Variants in PDE1A observed in about 807,000 individuals in gnomAD.
PDE1A encodes phosphodiesterase 1A.
Under a neutral mutation model 61.7 loss-of-function variants are expected in PDE1A, and 35 were observed. That is an observed-to-expected ratio of 0.57 (90% CI 0.43 to 0.75). PDE1A has a LOEUF of 0.75. Ranked by LOEUF, PDE1A falls within the 30% of genes least tolerant of loss-of-function variation. The probability of loss-of-function intolerance (pLI) is 0.00; values close to 1 mark genes in which losing one functional copy is unlikely to be tolerated. For synonymous variants in PDE1A, 232 were observed against 213.2 expected (o/e 1.09, Z -0.77); for missense variants, 597 against 630.6 (o/e 0.95, Z 0.57).
chr2:182,497,473 A>G (rs1471945919), intron 2 of PDE1A, among the ~76,000 whole-genome samples: 7 of 152,214 alleles, frequency 4.6e-5, no homozygotes, highest in African/African-American at 1.7e-4. Flanking sequence ...CCTGGTAACT[A>G]TTGTTCCCAT....
chr2:182,429,639 A>C (rs1314811161), upstream of PDE1A, among the ~76,000 whole-genome samples: 1 of 152,178 alleles, frequency 6.6e-6, no homozygotes, highest in African/African-American at 2.4e-5. Flanking sequence ...GCTGAAACAC[A>C]CCAAGAATTC....
At chr2:182,549,967 G>A in the PDE1A span, among the ~76,000 whole-genome samples, 3 of 152,078 alleles carry the variant, frequency 2.0e-5, no homozygotes, top group East Asian at 5.8e-4. Flanking sequence ...TTTTCCCTAC[G>A]ACATTTTTAT....
At chr2:182,334,484 T>C (rs978675247) in intron 1 of PDE1A, among the ~76,000 whole-genome samples, 3 of 152,142 alleles carry the variant, frequency 2.0e-5, no homozygotes, top group Non-Finnish European at 4.4e-5. Context: ...TGCAAATCAA[T>C]AAACGTAATC....
At chr2:182,154,599 G>A (rs1276012754) in intron 13 of PDE1A, among the ~76,000 whole-genome samples, 3 of 152,060 alleles carry the variant, frequency 2.0e-5, no homozygotes, top group African/African-American at 7.2e-5. Flanking sequence ...TAATAAATGG[G>A]AGGTCTCCTG....
the PDE1A span, among the ~76,000 whole-genome samples, chr2:182,547,017 G>A: frequency 0.085 from 12,865 of 152,110 alleles, 1,795 homozygotes; most frequent in African/African-American, 0.29. Flanking sequence ...AGAGGCACTC[G>A]CAGCTAACTG....
intron 2 of PDE1A, among the ~76,000 whole-genome samples, chr2:182,471,046 T>C (rs1686996490): frequency 1.3e-5 from 2 of 151,762 alleles, no homozygotes; most frequent in African/African-American, 4.8e-5. Context: ...AGTAGGCAAA[T>C]GACAATCTTC....
At chr2:182,504,663 C>A (rs1287317775) in intron 2 of PDE1A, among the ~76,000 whole-genome samples, 4 of 152,144 alleles carry the variant, frequency 2.6e-5, no homozygotes, top group Non-Finnish European at 4.4e-5. Flanking sequence ...ATATGATCTC[C>A]TTTTGGATAG....
At chr2:182,580,484 C>G in the PDE1A span, among the ~76,000 whole-genome samples, 1 of 152,140 alleles carries the variant, frequency 6.6e-6, no homozygotes, top group Non-Finnish European at 1.5e-5. Context: ...CACCTGCTCA[C>G]TTCATTTTAT....
intron 2 of PDE1A, among the ~76,000 whole-genome samples, chr2:182,510,282 C>G (rs1389808997): frequency 1.3e-5 from 2 of 152,236 alleles, no homozygotes; most frequent in Non-Finnish European, 2.9e-5. Flanking sequence ...CATTGTTATG[C>G]CTTCCTTAAC....
chr2:182,396,191 T>C (rs763096878), intron 1 of PDE1A, among the ~76,000 whole-genome samples: 3 of 152,298 alleles, frequency 2.0e-5, no homozygotes, highest in Admixed American at 6.5e-5. Context: ...GGTTCACAGA[T>C]AGTTCTGCAT....
rs980650961 is a variant in PDE1A, at chr2:182,304,026, G to A, written c.54-39612C>T. The stretch of plus-strand genomic sequence containing the variant: ...GGTGATTCTCCTGCCTCAGCCTCCC[G>A]AGTAGCTGGGACTACAGGTGTGTGC... On this transcript the variant is annotated intron_variant, in intron 1 of 13. Coordinates refer to ENST00000351439, the Ensembl canonical transcript of PDE1A. Among the ~76,000 whole-genome samples the A allele has an allele frequency of 1.3e-4, 19 of 151,434 alleles. No individual in the cohort carries two copies. In the East Asian group the frequency reaches 1.4e-3, roughly 11 times the overall value.
chr2:182,529,929 T>C, the PDE1A span, among the ~76,000 whole-genome samples: 1 of 152,222 alleles, frequency 6.6e-6, no homozygotes, highest in Non-Finnish European at 1.5e-5. Flanking sequence ...TCGGTATGTC[T>C]TTATCAGCAG....
exon 2 of PDE1A, chr2:182,522,296 C>T: frequency 6.2e-7 from 1 of 1,613,516 alleles, no homozygotes. Context: ...GGCGCTGCCA[C>T]ATTTTTTCAG....
Position 182,408,181 on chromosome 2 carries a change from CAAAA to C in PDE1A, c.53+18393_53+18396del, listed in dbSNP as rs5836834. Among the ~76,000 whole-genome samples, 369 of 116,084 alleles carry C rather than the reference CAAAA, an allele frequency of 3.2e-3. 18 individuals are homozygous for C. In the East Asian group the frequency reaches 0.078, roughly 25 times the overall value. The allele number at this position is 116,084 out of a possible 152,430, so 76.2% of individuals were successfully genotyped here. On this transcript the variant is annotated intron_variant, in intron 1 of 13. Coordinates refer to ENST00000351439, the Ensembl canonical transcript of PDE1A. ...AAAATTATTTTTTAAAAGTATCTGC[CAAAA>C]AAAAAAAAAAAAAAGCAGTGGCTAC...
At chr2:182,167,576 C>T (rs1169330978), downstream of PDE1A, among the ~76,000 whole-genome samples, 1 of 152,056 alleles carries the variant, frequency 6.6e-6, no homozygotes, top group Non-Finnish European at 1.5e-5. Context: ...GTGTAATAGA[C>T]TCTGTGAGGC....
At chr2:182,303,609 C>G (rs1273134050) in intron 1 of PDE1A, among the ~76,000 whole-genome samples, 1 of 152,184 alleles carries the variant, frequency 6.6e-6, no homozygotes, top group Non-Finnish European at 1.5e-5. Flanking sequence ...GTTAAAGTCA[C>G]CAGCTGCATT....
At chr2:182,405,787 ATAAG>A (rs2125482745) in intron 1 of PDE1A, among the ~76,000 whole-genome samples, 1 of 152,310 alleles carries the variant, frequency 6.6e-6, no homozygotes, top group Non-Finnish European at 1.5e-5. Flanking sequence ...CCCCAAAAAA[ATAAG>A]TATTTGAGGT....
intron 13 of PDE1A, among the ~76,000 whole-genome samples, chr2:182,173,613 C>T (rs1286367391): frequency 6.6e-6 from 1 of 151,622 alleles, no homozygotes; most frequent in Admixed American, 6.6e-5. Flanking sequence ...AACATGATCT[C>T]ATTTAAACTT....
chr2:182,442,915 T>A (rs939176720), intron 2 of PDE1A, among the ~76,000 whole-genome samples: 1 of 152,038 alleles, frequency 6.6e-6, no homozygotes, highest in African/African-American at 2.4e-5. Flanking sequence ...GAGAATGACA[T>A]CTGTGTATTG....
Sources: allele counts gnomAD v4.1 joint callset (sites outside exome capture counted in the v4.1 genomes callset), GRCh38; gene constraint gnomAD v4.1.1; transcripts MANE v1.5; gene names NCBI Gene and HGNC (gene_info 2026-07-23, HGNC 2026-07-21).